KDM2B: variants seen among roughly 807,000 people sequenced by gnomAD.
KDM2B encodes the protein lysine-specific demethylase 2B.
Under a neutral mutation model 150.0 loss-of-function variants are expected in KDM2B, and 26 were observed. That is an observed-to-expected ratio of 0.17 (90% CI 0.13 to 0.24). KDM2B has a LOEUF of 0.24. Ranked by LOEUF, KDM2B falls within the 10% of genes least tolerant of loss-of-function variation. The pLI is 1.00. For missense variants in KDM2B, 1,265 were observed against 1,816.9 expected (o/e 0.70, Z 5.52); for synonymous variants, 734 against 729.5 (o/e 1.01, Z -0.10).
rs1221275584 is a variant in KDM2B at position 121,492,830 on chromosome 12, AAAAAAAAAAG to A, written c.1734+1739_1734+1748del. ...GGTGACAAGAGCAAAACTCCGTCTC[AAAAAAAAAAG>A]AAAAAAAAAGAAAAAGAAAAGTGTT... On this transcript the variant is annotated intron_variant, in intron 12 of 22. Coordinates refer to ENST00000377071, the MANE Select transcript of KDM2B (RefSeq NM_032590.5). 3.5e-4 allele frequency among the ~76,000 whole-genome samples: 36 copies of A among 103,280 alleles called. No homozygotes were observed. The East Asian group carries it at 4.2e-3, about 12-fold the overall frequency. 67.8% of individuals were successfully genotyped at this position (103,280 alleles called of 152,430 possible). A position where few individuals can be genotyped will look rare whatever the true frequency, so the allele number is the denominator to read the frequency against.
rs782613385 is a variant in KDM2B, at chr12:121,430,035, GTCT to G, written c.*250_*252del. ...GTCCACCCTCCTCTCCGACAGGAATGTCTTCTTGTAAAGGCCGCCTTAGAAATG... is the reference window on the plus strand; with the variant it reads ...GTCCACCCTCCTCTCCGACAGGAATGTCTTGTAAAGGCCGCCTTAGAAATG... On this transcript the variant is annotated 3_prime_UTR_variant, in exon 23 of 23. Coordinates refer to ENST00000377071, the MANE Select transcript of KDM2B (RefSeq NM_032590.5). This position sits in a 1 kb window ranked among gnomAD's most constrained non-coding sequence, Gnocchi z 4.4. 2.3e-5 allele frequency: 28 copies of G among 1,196,876 alleles called. No homozygotes were observed. The highest frequency in any genetic ancestry group is 3.4e-5 in the Non-Finnish European group (27 of 799,430). 74.1% of individuals were successfully genotyped at this position (1,196,876 alleles called of 1,614,324 possible).
intron 13 of KDM2B, among the ~76,000 whole-genome samples, chr12:121,450,587 C>T (rs1201393334): frequency 9.2e-5 from 14 of 151,830 alleles, no homozygotes; most frequent in Admixed American, 6.6e-4. Flanking sequence ...TCATCGGGTG[C>T]GGTGGCTCAC....
chr12:121,508,147 C>T (rs782615175), intron 11 of KDM2B, among the ~76,000 whole-genome samples: 1 of 152,078 alleles, frequency 6.6e-6, no homozygotes, highest in Non-Finnish European at 1.5e-5. Flanking sequence ...AGTGCAGTGG[C>T]GAGACCATGG....
At chr12:121,568,115 G>C (rs1486074064) in intron 4 of KDM2B, among the ~76,000 whole-genome samples, 1 of 151,998 alleles carries the variant, frequency 6.6e-6, no homozygotes, top group African/African-American at 2.4e-5. Context: ...CAATTAATAA[G>C]AGCCAACCCT....
At chr12:121,465,311 G>A (rs1240643176) in intron 12 of KDM2B, among the ~76,000 whole-genome samples, 9 of 152,114 alleles carry the variant, frequency 5.9e-5, no homozygotes, top group African/African-American at 1.9e-4. Flanking sequence ...CATTGCAACC[G>A]CAACCTCCGC....
At chr12:121,524,573 G>T (rs1886968907) in intron 8 of KDM2B, 1 of 215,976 alleles carries the variant, frequency 4.6e-6, no homozygotes. Flanking sequence ...AGCCGCCACT[G>T]CGTCCCTCCC....
chr12:121,499,821 G>A (rs116570213), intron 11 of KDM2B, among the ~76,000 whole-genome samples: 2,505 of 151,936 alleles, frequency 0.016, 67 homozygotes, highest in African/African-American at 0.058. Flanking sequence ...ATGGTGGCAC[G>A]CGTCTGTGGT....
At chr12:121,509,256 G>C (rs1172091899) in intron 11 of KDM2B, among the ~76,000 whole-genome samples, 2 of 151,682 alleles carry the variant, frequency 1.3e-5, no homozygotes, top group Non-Finnish European at 2.9e-5. Flanking sequence ...TAGAGACGGG[G>C]TTTCACCATG....
intron 4 of KDM2B, among the ~76,000 whole-genome samples, chr12:121,566,339 T>A (rs1349580066): frequency 5.9e-5 from 9 of 151,788 alleles, no homozygotes; most frequent in Admixed American, 2.0e-4. Context: ...ATACAAAAAT[T>A]GGCTGGGTGC....
the KDM2B span, chr12:121,420,514 A>C: frequency 6.3e-7 from 1 of 1,582,814 alleles, no homozygotes; most frequent in Non-Finnish European, 8.7e-7. Flanking sequence ...GCCAGTGATG[A>C]GTTTAGAGTG....
chr12:121,490,152 G>A (rs1174268319), intron 12 of KDM2B, among the ~76,000 whole-genome samples: 5 of 152,316 alleles, frequency 3.3e-5, no homozygotes, highest in South Asian at 2.1e-4. Flanking sequence ...GACCAACTTC[G>A]GAGGAAAGGG....
chr12:121,442,339 C>A lies in KDM2B; in HGVS notation c.3102G>T (p.Lys1034Asn). 6.4e-7 allele frequency: 1 copy of A among 1,557,076 alleles called. No individual in the cohort carries two copies. ...TCACATGGCGCTCCATCTGGATACACTTGGGCGGGGACACGGAGGGTGGGG... is the reference window on the plus strand; with the variant it reads ...TCACATGGCGCTCCATCTGGATACAATTGGGCGGGGACACGGAGGGTGGGG... ...SRPPPSVSPP[K>N]CIQMERHVIR... The change falls in exon 19 of 23, where the codon AAG becomes AAT. Residue 1034 changes from lysine (K) to asparagine (N), a missense_variant. By Grantham distance (94) the Lys-to-Asn change is moderately conservative. Coordinates refer to ENST00000377071, the MANE Select transcript of KDM2B (RefSeq NM_032590.5). The surrounding 1 kb of genome is among the most constrained non-coding windows in gnomAD (Gnocchi z 7.7).
chr12:121,580,517 C>A (rs1327635219), intron 1 of KDM2B: 1 of 1,255,332 alleles, frequency 8.0e-7, no homozygotes, highest in Non-Finnish European at 1.0e-6. Flanking sequence ...GTGTGCAGAG[C>A]TGACTTTTGG....
chr12:121,427,406 G>T (rs1341424541), downstream of KDM2B, among the ~76,000 whole-genome samples: 1 of 152,174 alleles, frequency 6.6e-6, no homozygotes, highest in Non-Finnish European at 1.5e-5. Flanking sequence ...ACTGGGCATG[G>T]TGGCAGGCAC....
At chr12:121,580,098 T>C in intron 1 of KDM2B, 3 of 1,574,440 alleles carry the variant, frequency 1.9e-6, no homozygotes, top group Non-Finnish European at 2.6e-6. Flanking sequence ...TCCTGCCCCC[T>C]GCATTTTGGC....
chr12:121,409,796 T>G, the KDM2B span: 3 of 152,222 alleles, frequency 2.0e-5, no homozygotes, highest in Admixed American at 2.0e-4. Context: ...CTAAAACACC[T>G]GTTTCACTGA....
chr12:121,543,327 G>T (rs1260907099), intron 6 of KDM2B, among the ~76,000 whole-genome samples: 4 of 152,170 alleles, frequency 2.6e-5, no homozygotes, highest in Non-Finnish European at 5.9e-5. Context: ...CTGCGCTCCA[G>T]CCTGGGCGAC....
chr12:121,420,034 TTG>T, the KDM2B span: 17 of 483,132 alleles, frequency 3.5e-5, no homozygotes, highest in African/African-American at 3.3e-4. Flanking sequence ...ACACAGGAAT[TTG>T]TGTTTTGAGC....
At position 121,579,001 on chromosome 12, in the gene KDM2B, CCT is replaced by C. The variant is rs1555317412; in HGVS notation, c.127-57_127-56del. 1.9e-6 allele frequency: 3 copies of C among 1,569,942 alleles called. No individual in the cohort carries two copies. In the African/African-American group the frequency reaches 4.1e-5, roughly 21 times the overall value. ...ACATTATTGTGGGGGCTGGAGGTCG[CCT>C]CTCAACCTGGGCCCAGCACTAACAG... On this transcript the variant is annotated intron_variant, in intron 1 of 22. Coordinates refer to ENST00000377071, the MANE Select transcript of KDM2B (RefSeq NM_032590.5).
Sources: gnomAD v4.1 joint callset for allele counts (sites outside exome capture counted in the v4.1 genomes callset) on GRCh38, gnomAD v4.1.1 for gene constraint, Gnocchi (gnomAD v3.1) non-coding constraint, MANE v1.5 for transcripts, NCBI Gene and HGNC (gene_info 2026-07-23, HGNC 2026-07-21) for gene names.